The following CWF19L2 variants were observed in gnomAD, a reference collection of about 807,000 sequenced individuals.
CWF19L2 encodes CWF19-like protein 2.
A neutral mutation model predicts 111.7 loss-of-function variants in CWF19L2; 98 were observed. That is an observed-to-expected ratio of 0.88 (90% CI 0.75 to 1.04). The LOEUF (loss-of-function observed/expected upper bound fraction) is 1.04. Among genes scored for constraint, CWF19L2 ranks in the 50% least tolerant of loss-of-function variants. CWF19L2 has a pLI of 0.00. For synonymous variants in CWF19L2, 351 were observed against 342.9 expected (o/e 1.02, Z -0.26); for missense variants, 1,101 against 1,051.4 (o/e 1.05, Z -0.65).
intron 16 of CWF19L2, among the ~76,000 whole-genome samples, chr11:107,330,350 T>C (rs2134517538): frequency 6.6e-6 from 1 of 152,236 alleles, no homozygotes; most frequent in South Asian, 2.1e-4. Context: ...ACTACACAAA[T>C]AGAGAATAAG....
intron 3 of CWF19L2, among the ~76,000 whole-genome samples, chr11:107,444,655 C>T (rs1861676890): frequency 6.6e-6 from 1 of 152,280 alleles, no homozygotes; most frequent in South Asian, 2.1e-4. Flanking sequence ...GACTAATTGT[C>T]TACTGCAGTT....
chr11:107,403,039 A>G (rs1291938605), intron 10 of CWF19L2, among the ~76,000 whole-genome samples: 1 of 151,520 alleles, frequency 6.6e-6, no homozygotes, highest in South Asian at 2.1e-4. Flanking sequence ...ACTGATATGT[A>G]GGAGCTAAGC....
At chr11:107,404,346 C>CT in intron 10 of CWF19L2, 1 of 792,140 alleles carries the variant, frequency 1.3e-6, no homozygotes, top group Non-Finnish European at 2.3e-6. Context: ...TTTACTTGGT[C>CT]CCAGACCTTT....
At chr11:107,384,274 T>C (rs948105274) in intron 12 of CWF19L2, among the ~76,000 whole-genome samples, 1 of 152,236 alleles carries the variant, frequency 6.6e-6, no homozygotes, top group Non-Finnish European at 1.5e-5. Flanking sequence ...TGTTTCAGAT[T>C]TTGAATTGTT....
intron 12 of CWF19L2, among the ~76,000 whole-genome samples, chr11:107,372,902 C>T (rs1406403254): frequency 2.4e-5 from 3 of 127,536 alleles, no homozygotes; most frequent in East Asian, 2.3e-4. Context: ...TGGGCGCAGG[C>T]CAGTGGGTGC....
At chr11:107,452,116 C>G (rs1861786202) in intron 3 of CWF19L2, among the ~76,000 whole-genome samples, 1 of 152,064 alleles carries the variant, frequency 6.6e-6, no homozygotes, top group Non-Finnish European at 1.5e-5. Flanking sequence ...AAAACAGGCA[C>G]AGAGACTGAA....
intron 9 of CWF19L2, among the ~76,000 whole-genome samples, chr11:107,417,587 C>A (rs977577039): frequency 5.3e-5 from 8 of 152,238 alleles, no homozygotes; most frequent in African/African-American, 1.9e-4. Context: ...ACATCTTTAT[C>A]TCCCTTAAAT....
At chr11:107,328,097 A>G (rs1859789024) in intron 17 of CWF19L2, among the ~76,000 whole-genome samples, 1 of 151,036 alleles carries the variant, frequency 6.6e-6, no homozygotes, top group Non-Finnish European at 1.5e-5. Flanking sequence ...CTGTCTCATA[A>G]AGTAGAAGGT....
rs1859974113 is a variant in CWF19L2 at position 107,339,505 on chromosome 11, A to G, written c.2203-2792T>C. Among the ~76,000 whole-genome samples the G allele has an allele frequency of 4.6e-5, 7 of 152,058 alleles. No individual in the cohort carries two copies. In the South Asian group the frequency reaches 1.5e-3, roughly 32 times the overall value. On this transcript the variant is annotated intron_variant, in intron 14 of 17. Transcript: ENST00000282251. ...TCCTGGCCAGCATCTGGGGTTGTCA[A>G]TGTGTTTTATTTGACATTTTGATAG...
chr11:107,347,824 A>T (rs1860103011), intron 14 of CWF19L2, among the ~76,000 whole-genome samples: 1 of 152,192 alleles, frequency 6.6e-6, no homozygotes, highest in South Asian at 2.1e-4. Flanking sequence ...TTCTTATAGA[A>T]ATATAAAACA....
In CWF19L2 at chr11:107,363,232, A is replaced by C. The variant is rs56729534; in HGVS notation, c.1873-9496T>G. Among the ~76,000 whole-genome samples the C allele has an allele frequency of 3.5e-3, 539 of 152,268 alleles. 1 individual carries two copies. Among genetic ancestry groups the C allele is most frequent in the African/African-American group, 0.012 (481 of 41,552 alleles). ...TGAAAGTGACAGGGAGAATGGAACC[A>C]AGTTGGAAAACACTCTGCGGGATAT... On this transcript the variant is annotated intron_variant, in intron 12 of 17. Coordinates refer to ENST00000282251, the MANE Select transcript of CWF19L2 (RefSeq NM_152434.3).
chr11:107,416,470 T>C (rs1489257059), intron 9 of CWF19L2, among the ~76,000 whole-genome samples, 172 bp from the exon 10 acceptor site: 1 of 152,210 alleles, frequency 6.6e-6, no homozygotes. Context: ...AATGAACTTA[T>C]CTCAGTTACA....
chr11:107,368,643 TTA>T (rs1455167976), intron 12 of CWF19L2, among the ~76,000 whole-genome samples: 1 of 138,140 alleles, frequency 7.2e-6, no homozygotes, highest in Non-Finnish European at 1.6e-5. Context: ...ACAACCTTGG[TTA>T]ATGTAAACTG....
chr11:107,394,634 T>C (rs1426795712), intron 10 of CWF19L2, among the ~76,000 whole-genome samples: 2 of 152,206 alleles, frequency 1.3e-5, no homozygotes, highest in Non-Finnish European at 1.5e-5. Context: ...TATTTAATCT[T>C]AGGAGTTAAA....
chr11:107,437,534 A>C (rs1430713751), intron 6 of CWF19L2, among the ~76,000 whole-genome samples: 1 of 152,070 alleles, frequency 6.6e-6, no homozygotes, highest in Non-Finnish European at 1.5e-5. Flanking sequence ...CTTAATTTCA[A>C]CTCTGGGATC....
chr11:107,330,173 G>C (rs1208116270), intron 16 of CWF19L2, among the ~76,000 whole-genome samples, 154 bp from the exon 17 acceptor site: 1 of 152,112 alleles, frequency 6.6e-6, no homozygotes, highest in Non-Finnish European at 1.5e-5. Context: ...TTTAAACAAT[G>C]ACCTAACTTT....
At chr11:107,383,452 T>G (rs1179249235) in intron 12 of CWF19L2, among the ~76,000 whole-genome samples, 1 of 152,164 alleles carries the variant, frequency 6.6e-6, no homozygotes, top group Non-Finnish European at 1.5e-5. Flanking sequence ...AAACACACTT[T>G]AAAAGAGAGT....
At chr11:107,421,346 C>G (rs11212217) in intron 8 of CWF19L2, among the ~76,000 whole-genome samples, 1 of 151,366 alleles carries the variant, frequency 6.6e-6, no homozygotes, top group Non-Finnish European at 1.5e-5. Context: ...CTTAAGAAAG[C>G]AGAAAAAGAG....
At chr11:107,443,161 G>A (rs1038171679) in intron 3 of CWF19L2, 112 bp from the exon 4 acceptor site, 5 of 715,620 alleles carry the variant, frequency 7.0e-6, no homozygotes, top group Admixed American at 5.0e-5. Context: ...TTCTTACACT[G>A]TATTTCCCCT....
Sources: allele counts gnomAD v4.1 joint callset (sites outside exome capture counted in the v4.1 genomes callset), GRCh38; gene constraint gnomAD v4.1.1; transcripts MANE v1.5; gene names NCBI Gene and HGNC (gene_info 2026-07-23, HGNC 2026-07-21).